The following AEBP1 variants were observed in gnomAD, a reference collection of about 807,000 sequenced individuals.
AEBP1 encodes the protein adipocyte enhancer-binding protein 1.
A neutral mutation model predicts 116.5 loss-of-function variants in AEBP1; 69 were observed. The ratio of observed to expected loss-of-function variants is 0.59; its 90% CI spans 0.49 to 0.72. The LOEUF is 0.72. Ranked by LOEUF, AEBP1 falls within the 30% of genes least tolerant of loss-of-function variation. The pLI, the probability that AEBP1 is intolerant of heterozygous loss-of-function variation, is 0.00. For missense variants in AEBP1, 1,444 were observed against 1,557.5 expected (o/e 0.93, Z 1.23); for synonymous variants, 627 against 627.3 (o/e 1.00, Z 0.01).
intron 1 of AEBP1, chr7:44,106,107 GGAA>G (rs1336217228): frequency 4.4e-6 from 2 of 450,546 alleles, no homozygotes; most frequent in Non-Finnish European, 8.9e-6. Context: ...GGAGACCAGG[GGAA>G]GGTCTTGGGC....
rs754899934 is a variant in AEBP1 at position 44,113,814 on chromosome 7, T to C, written c.3030T>C (p.Pro1010=). 1.3e-5 allele frequency: 21 copies of C among 1,613,958 alleles called. No homozygotes were observed. The highest frequency in any genetic ancestry group is 1.8e-5 in the Non-Finnish European group (21 of 1,179,960). The change falls in exon 21 of 21, where the codon CCT becomes CCC. Residue 1010 remains proline, a synonymous_variant. Coordinates refer to ENST00000223357, the MANE Select transcript of AEBP1 (RefSeq NM_001129.5). The surrounding 1 kb of genome is among the most constrained non-coding windows in gnomAD (Gnocchi z 5.3). ...RPIPHIDPSR[P]MTPQQRRLQQ... ...TCCCACACATAGACCCATCGCGCCCTATGACCCCCCAACAGCGACGCCTGC... is the reference window on the plus strand; with the variant it reads ...TCCCACACATAGACCCATCGCGCCCCATGACCCCCCAACAGCGACGCCTGC...
chr7:44,112,809 C>G lies in AEBP1; in HGVS notation c.2469C>G (p.His823Gln). Residue 823 changes from histidine to glutamine, a missense_variant, in exon 18 of 21, where the codon CAC becomes CAG. By Grantham distance (24) the His-to-Gln change is conservative. Transcript: ENST00000223357. This position sits in a 1 kb window ranked among gnomAD's most constrained non-coding sequence, Gnocchi z 6.6. Reference sequence around the variant, plus strand: ...TTGCCATCTCCTTCGCCTCCGCACACCTCACCTTGACCGAGCCCTACCGCG... The same window carrying G: ...TTGCCATCTCCTTCGCCTCCGCACAGCTCACCTTGACCGAGCCCTACCGCG... ...RWLAISFASA[H>Q]LTLTEPYRGG... is the part of the protein sequence containing the mutation. 1 of 1,612,392 alleles carries G rather than the reference C, an allele frequency of 6.2e-7. No individual in the cohort carries two copies. Among genetic ancestry groups the G allele is most frequent in the South Asian group, 1.1e-5 (1 of 91,088 alleles).
At position 44,104,438 on chromosome 7, in the gene AEBP1, C is replaced by A. The variant is rs1372527658; in HGVS notation, c.-228C>A. Reference sequence around the variant, plus strand: ...CAGGACCTCGGAGCGCCCCGACCACCCCTGAGCCCCTCTGGCTTCGGAGCC... The same window carrying A: ...CAGGACCTCGGAGCGCCCCGACCACACCTGAGCCCCTCTGGCTTCGGAGCC... On this transcript the variant is annotated 5_prime_UTR_variant, in exon 1 of 21. Transcript: ENST00000223357. 1 of 402,352 alleles carries A rather than the reference C, an allele frequency of 2.5e-6. No individual in the cohort carries two copies. The allele number at this position is 402,352 out of a possible 1,614,324, so 24.9% of individuals were successfully genotyped here.
In AEBP1 at chr7:44,113,657, A is replaced by C; in HGVS notation, c.2873A>C (p.Glu958Ala). The C allele has an allele frequency of 6.2e-7, 1 of 1,613,846 alleles. No homozygotes were observed. The highest frequency in any genetic ancestry group is 2.2e-5 in the East Asian group (1 of 44,862). ...GAGTACCGCGTGACAGCCCACGCGGAGGGCTACACCCCGAGCGCCAAGACC... is the reference window on the plus strand; with the variant it reads ...GAGTACCGCGTGACAGCCCACGCGGCGGGCTACACCCCGAGCGCCAAGACC... ...PGEYRVTAHA[E>A]GYTPSAKTCN... Residue 958 changes from glutamate to alanine, a missense_variant, in exon 21 of 21, where the codon GAG becomes GCG. Glu to Ala is a moderately radical substitution (Grantham distance 107). Transcript: ENST00000223357. This position sits in a 1 kb window ranked among gnomAD's most constrained non-coding sequence, Gnocchi z 5.3.
In AEBP1 at chr7:44,111,524, C is replaced by T. The variant is rs754593632; in HGVS notation, c.1734C>T (p.Asn578=). ...KDMRQLMKVV[N]EECPTITRTY... is the part of the protein sequence containing the mutation. Reference sequence around the variant, plus strand: ...TGCCCCAGCTCATGAAGGTGGTGAACGAGGAGTGCCCCACCATCACCCGCA... The same window carrying T: ...TGCCCCAGCTCATGAAGGTGGTGAATGAGGAGTGCCCCACCATCACCCGCA... Residue 578 remains asparagine, a synonymous_variant, in exon 15 of 21, where the codon AAC becomes AAT. Coordinates refer to ENST00000223357, the MANE Select transcript of AEBP1 (RefSeq NM_001129.5). The surrounding 1 kb of genome is among the most constrained non-coding windows in gnomAD (Gnocchi z 4.7). The T allele has an allele frequency of 3.3e-5, 52 of 1,596,600 alleles. No individual in the cohort carries two copies. The highest frequency in any genetic ancestry group is 7.2e-5 in the Admixed American group (4 of 55,652).
In AEBP1 at chr7:44,111,866, T is replaced by G. The variant is rs745852024; in HGVS notation, c.1853T>G (p.Phe618Cys). Reference sequence around the variant, plus strand: ...CCCGCCCTTGCAGGGGAGCCCGAGTTCCGCTACACTGCTGGGATCCATGGC... The same window carrying G: ...CCCGCCCTTGCAGGGGAGCCCGAGTGCCGCTACACTGCTGGGATCCATGGC... ...PGEHELGEPE[F>C]RYTAGIHGNE... is the part of the protein sequence containing the mutation. Residue 618 changes from phenylalanine to cysteine, a missense_variant, in exon 16 of 21, where the codon TTC (phenylalanine) becomes TGC (cysteine). Physicochemically the swap from Phe to Cys is radical, Grantham distance 205. Transcript: ENST00000223357. This position sits in a 1 kb window ranked among gnomAD's most constrained non-coding sequence, Gnocchi z 4.7. 22 of 1,613,044 alleles carry G rather than the reference T, an allele frequency of 1.4e-5. No homozygotes were observed. The East Asian group carries it at 4.5e-4, about 33-fold the overall frequency.
rs774458916 is a variant in AEBP1 at position 44,113,273 on chromosome 7, G to C, written c.2731G>C (p.Val911Leu). 6.2e-6 allele frequency: 10 copies of C among 1,613,750 alleles called. No homozygotes were observed. The highest frequency in any genetic ancestry group is 8.5e-6 in the Non-Finnish European group (10 of 1,179,960). ...CTAGGTGCACCGCGGCATTAAGGGGGTGGTGACGGACGAGCAAGGCATCCC... is the reference window on the plus strand; with the variant it reads ...CTAGGTGCACCGCGGCATTAAGGGGCTGGTGACGGACGAGCAAGGCATCCC... ...MEQVHRGIKG[V>L]VTDEQGIPIA... The change falls in exon 20 of 21, where the codon GTG (valine) becomes CTG (leucine). Residue 911 changes from valine to leucine, a missense_variant. Physicochemically the swap from Val to Leu is conservative, Grantham distance 32 (BLOSUM62 1). Coordinates refer to ENST00000223357, the MANE Select transcript of AEBP1 (RefSeq NM_001129.5). This position sits in a 1 kb window ranked among gnomAD's most constrained non-coding sequence, Gnocchi z 5.3.
In AEBP1 at chr7:44,111,032, G is replaced by A. The variant is rs2128808858; in HGVS notation, c.1605G>A (p.Leu535=). 6.2e-7 allele frequency: 1 copy of A among 1,612,966 alleles called. No individual in the cohort carries two copies. The highest frequency in any genetic ancestry group is 2.2e-5 in the East Asian group (1 of 44,876). The change falls in exon 13 of 21, where the codon CTG becomes CTA. Residue 535 remains leucine (L), a synonymous_variant. Transcript: ENST00000223357. The surrounding 1 kb of genome is among the most constrained non-coding windows in gnomAD (Gnocchi z 4.7). ...GGAATGGCAGCCTGTGCATGCGCCT[G>A]GAGGTGCTGGGGTGCTCTGTGGCCC... ...LTWNGSLCMR[L]EVLGCSVAPV...
chr7:44,112,903 A>C lies in AEBP1; in HGVS notation c.2563A>C (p.Thr855Pro). The change falls in exon 18 of 21, where the codon ACC (threonine) becomes CCC (proline). Residue 855 changes from threonine (T) to proline (P), a missense_variant. Physicochemically the swap from Thr to Pro is conservative, Grantham distance 38. Transcript: ENST00000223357. This position sits in a 1 kb window ranked among gnomAD's most constrained non-coding sequence, Gnocchi z 6.6. ...IVNGAKWNPR[T>P]GTINDFSYLH... ...CAACGGGGCCAAGTGGAACCCCCGG[A>C]CCGGGAGTGAGTCAGCCTGGGAGGG... 1 of 1,610,770 alleles carries C rather than the reference A, an allele frequency of 6.2e-7. No individual in the cohort carries two copies.
In AEBP1 at chr7:44,108,911, T is replaced by A. The variant is rs779765227; in HGVS notation, c.953T>A (p.Phe318Tyr). ...TCCCTCCCCATAGTGGACTATTACT[T>A]TGGGCCTCCTCCGCCCCAGAAGCCC... Reference protein sequence around the residue: ...IPNYDDMDYYFGPPPPQKPDA... With the variant: ...IPNYDDMDYYYGPPPPQKPDA... Residue 318 changes from phenylalanine to tyrosine, a missense_variant, in exon 7 of 21, where the codon TTT becomes TAT. By Grantham distance (22) the Phe-to-Tyr change is conservative. Transcript: ENST00000223357. The surrounding 1 kb of genome is among the most constrained non-coding windows in gnomAD (Gnocchi z 5.0). 1.3e-6 allele frequency: 2 copies of A among 1,585,286 alleles called. No individual in the cohort carries two copies. Among genetic ancestry groups the A allele is most frequent in the Non-Finnish European group, 8.6e-7 (1 of 1,166,722 alleles).
rs1402713872 is a variant in AEBP1, at chr7:44,113,369, C to A, written c.2809+18C>A. The stretch of plus-strand genomic sequence containing the variant: ...GAAGACAGGTACCTAGTGTGCACAC[C>A]TTTACCCCATCTTTCTGAGGGAGGA... On this transcript the variant is annotated intron_variant, in intron 20 of 20. Transcript: ENST00000223357. The surrounding 1 kb of genome is among the most constrained non-coding windows in gnomAD (Gnocchi z 5.3). The A allele has an allele frequency of 1.2e-6, 2 of 1,600,356 alleles. No homozygotes were observed. The highest frequency in any genetic ancestry group is 1.7e-6 in the Non-Finnish European group (2 of 1,172,022).
chr7:44,113,310 C>T lies in AEBP1; in HGVS notation c.2768C>T (p.Ala923Val). ...GAGCAAGGCATCCCCATTGCCAACG[C>T]CACCATCTCTGTGAGTGGCATTAAT... The part of the protein sequence containing the change: ...TDEQGIPIAN[A>V]TISVSGINHG... Residue 923 changes from alanine to valine, a missense_variant, in exon 20 of 21, where the codon GCC becomes GTC. Coordinates refer to ENST00000223357, the MANE Select transcript of AEBP1 (RefSeq NM_001129.5). This position sits in a 1 kb window ranked among gnomAD's most constrained non-coding sequence, Gnocchi z 5.3. The T allele has an allele frequency of 6.2e-7, 1 of 1,613,584 alleles. No individual in the cohort carries two copies. The highest frequency in any genetic ancestry group is 8.5e-7 in the Non-Finnish European group (1 of 1,179,870).
In AEBP1 at chr7:44,107,593, G is replaced by T. The variant is rs773689779; in HGVS notation, c.668-36G>T. The T allele has an allele frequency of 6.8e-6, 11 of 1,613,372 alleles. No homozygotes were observed. Among genetic ancestry groups the T allele is most frequent in the Non-Finnish European group, 9.3e-6 (11 of 1,179,788 alleles). On this transcript the variant is annotated intron_variant, in intron 3 of 20. Coordinates refer to ENST00000223357, the MANE Select transcript of AEBP1 (RefSeq NM_001129.5). The surrounding 1 kb of genome is among the most constrained non-coding windows in gnomAD (Gnocchi z 4.3). ...GGGCTTCCCCAGAGTAGGCCTGGGT[G>T]GGGTTGTCAGGCAGCTACCAGCGCT... is the stretch of plus-strand genomic sequence containing the variant.
chr7:44,110,592 A>T, intron 11 of AEBP1, 133 bp from the exon 12 acceptor site: 1 of 1,008,158 alleles, frequency 9.9e-7, no homozygotes, highest in Non-Finnish European at 1.5e-6. Flanking sequence ...CATAGGACCC[A>T]GGCTCAACAC....
chr7:44,106,978 T>G, intron 2 of AEBP1, 91 bp downstream of exon 2: 1 of 987,412 alleles, frequency 1.0e-6, no homozygotes, highest in Non-Finnish European at 1.5e-6. Flanking sequence ...GGGCCCTGCT[T>G]CCTATAGACC....
intron 1 of AEBP1, chr7:44,106,289 C>G (rs2096222818): frequency 1.5e-6 from 1 of 653,378 alleles, no homozygotes; most frequent in Non-Finnish European, 2.8e-6. Context: ...TGAGGGCCTC[C>G]CCCTGGGAAC....
Position 44,109,279 on chromosome 7 carries a change from T to C in AEBP1, c.1097-9T>C. 3 of 1,599,470 alleles carry C rather than the reference T, an allele frequency of 1.9e-6. No homozygotes were observed. Among genetic ancestry groups the C allele is most frequent in the African/African-American group, 1.4e-5 (1 of 73,872 alleles). ...CCTTGGTGCCATGTCCTCCCTTCAT[T>C]GTCCCTAGAGCCCCGAAAGGGCGAG... On this transcript the variant is annotated splice_polypyrimidine_tract_variant and intron_variant, in intron 8 of 20. Transcript: ENST00000223357.
At chr7:44,110,649 C>T (rs990622119) in intron 11 of AEBP1, 76 bp from the exon 12 acceptor site, 22 of 1,330,050 alleles carry the variant, frequency 1.7e-5, no homozygotes, top group African/African-American at 8.8e-5. Context: ...TCTTGGGGCT[C>T]GGAAGAGGGA....
At position 44,113,294 on chromosome 7, in the gene AEBP1, A is replaced by T. The variant is rs1409475470; in HGVS notation, c.2752A>T (p.Ile918Phe). 1.2e-6 allele frequency: 2 copies of T among 1,613,704 alleles called. No homozygotes were observed. Among genetic ancestry groups the T allele is most frequent in the East Asian group, 4.5e-5 (2 of 44,862 alleles). Residue 918 changes from isoleucine (I) to phenylalanine (F), a missense_variant, in exon 20 of 21, where the codon ATC becomes TTC. Physicochemically the swap from Ile to Phe is conservative, Grantham distance 21. Coordinates refer to ENST00000223357, the MANE Select transcript of AEBP1 (RefSeq NM_001129.5). The surrounding 1 kb of genome is among the most constrained non-coding windows in gnomAD (Gnocchi z 5.3). ...IKGVVTDEQG[I>F]PIANATISVS... ...GGGGGTGGTGACGGACGAGCAAGGC[A>T]TCCCCATTGCCAACGCCACCATCTC...
Sources: gnomAD v4.1 joint callset for allele counts on GRCh38, gnomAD v4.1.1 for gene constraint, Gnocchi (gnomAD v3.1) non-coding constraint, MANE v1.5 for transcripts, NCBI Gene and HGNC (gene_info 2026-07-23, HGNC 2026-07-21) for gene names.